Variants in PTPRD observed in about 807,000 individuals in gnomAD.
PTPRD encodes protein tyrosine phosphatase receptor type D, also known as receptor-type tyrosine-protein phosphatase delta.
PTPRD carries 34 observed loss-of-function variants against 214.5 expected under a neutral mutation model. The observed-to-expected ratio is 0.16, with a 90% CI of 0.12 to 0.21. PTPRD has a LOEUF of 0.21. PTPRD is among the 10% of genes least tolerant of loss of function. PTPRD has a pLI of 1.00. For missense variants in PTPRD, 2,545 were observed against 2,398.7 expected (o/e 1.06, Z -1.27); for synonymous variants, 1,128 against 845.7 (o/e 1.33, Z -5.79).
intron 3 of PTPRD, among the ~76,000 whole-genome samples, chr9:10,126,229 C>T (rs564746596): frequency 1.3e-5 from 2 of 152,254 alleles, no homozygotes; most frequent in Non-Finnish European, 2.9e-5. Context: ...ACCCCCTTCT[C>T]TACTTGCTTT....
At chr9:10,036,373 G>A (rs1455588918) in intron 3 of PTPRD, among the ~76,000 whole-genome samples, 1 of 151,840 alleles carries the variant, frequency 6.6e-6, no homozygotes, top group Admixed American at 6.6e-5. Context: ...ACATTCTAAA[G>A]CCCTTTTGCT....
chr9:8,328,988 C>T (rs78108188), intron 44 of PTPRD, among the ~76,000 whole-genome samples: 9,145 of 152,128 alleles, frequency 0.06, 313 homozygotes, highest in Middle Eastern at 0.14. Flanking sequence ...TCCCTTAGCT[C>T]GGAGGAGTTT....
At chr9:8,833,715 TACACACACAC>T (rs1177957119) in intron 11 of PTPRD, among the ~76,000 whole-genome samples, 11 of 133,718 alleles carry the variant, frequency 8.2e-5, no homozygotes, top group Non-Finnish European at 7.9e-5. Context: ...TATATATATA[TACACACACAC>T]ACACACACAC....
At chr9:8,825,608 C>G (rs538444682) in intron 11 of PTPRD, among the ~76,000 whole-genome samples, 1 of 152,122 alleles carries the variant, frequency 6.6e-6, no homozygotes, top group Non-Finnish European at 1.5e-5. Context: ...TGGATTTTGG[C>G]AAGAAAGAAT....
chr9:9,430,991 G>A (rs935816277), intron 8 of PTPRD, among the ~76,000 whole-genome samples: 3 of 152,118 alleles, frequency 2.0e-5, no homozygotes, highest in African/African-American at 7.2e-5. Context: ...ACATAGGCAT[G>A]GGCAAGGACT....
At chr9:9,157,553 C>T (rs1296021082) in intron 10 of PTPRD, among the ~76,000 whole-genome samples, 1 of 152,022 alleles carries the variant, frequency 6.6e-6, no homozygotes, top group Non-Finnish European at 1.5e-5. Context: ...TATAACCTAC[C>T]AAGATTGAAT....
At chr9:10,400,827 A>T (rs1413852180) in intron 2 of PTPRD, among the ~76,000 whole-genome samples, 1 of 151,552 alleles carries the variant, frequency 6.6e-6, no homozygotes, top group Non-Finnish European at 1.5e-5. Context: ...TTTACTTAGG[A>T]GCTAAAAGTG....
chr9:10,387,906 C>T, intron 2 of PTPRD, among the ~76,000 whole-genome samples: 1 of 144,484 alleles, frequency 6.9e-6, no homozygotes, highest in Non-Finnish European at 1.5e-5. Context: ...AGCACTCTGC[C>T]TGCCTCGGCC....
At chr9:10,135,831 A>C (rs1390441262) in intron 3 of PTPRD, among the ~76,000 whole-genome samples, 1 of 151,982 alleles carries the variant, frequency 6.6e-6, no homozygotes, top group African/African-American at 2.4e-5. Flanking sequence ...TAAGTCTACA[A>C]AAACAACCAG....
intron 25 of PTPRD, among the ~76,000 whole-genome samples, chr9:8,497,608 G>C (rs1245375171): frequency 6.6e-6 from 1 of 152,124 alleles, no homozygotes; most frequent in Non-Finnish European, 1.5e-5. Context: ...ACAATTAAAA[G>C]TCACTATTTA....
chr9:8,516,798 CTTT>C (rs71500960), intron 21 of PTPRD, among the ~76,000 whole-genome samples: 11 of 107,934 alleles, frequency 1.0e-4, no homozygotes, highest in South Asian at 6.5e-4. Flanking sequence ...CAAGAATAAA[CTTT>C]TTTTTTTTTT....
intron 35 of PTPRD, among the ~76,000 whole-genome samples, chr9:8,414,930 G>GGGAGAGAGA (rs1491158344): frequency 4.1e-5 from 2 of 49,252 alleles, no homozygotes; most frequent in African/African-American, 1.6e-4. Context: ...AGAGGGAGGG[G>GGGAGAGAGA]GAGAGAGAGA....
chr9:8,755,547 A>C (rs1306169173), intron 11 of PTPRD, among the ~76,000 whole-genome samples: 1 of 151,080 alleles, frequency 6.6e-6, no homozygotes, highest in Non-Finnish European at 1.5e-5. Flanking sequence ...AAAAAAAAAC[A>C]GCAGCACAAA....
chr9:9,518,887 C>T (rs1374428760), intron 8 of PTPRD, among the ~76,000 whole-genome samples: 1 of 151,886 alleles, frequency 6.6e-6, no homozygotes, highest in Non-Finnish European at 1.5e-5. Context: ...TATGTCCCTC[C>T]CTTGATTAAT....
At chr9:10,512,691 G>A (rs537881248) in intron 2 of PTPRD, among the ~76,000 whole-genome samples, 13 of 152,064 alleles carry the variant, frequency 8.5e-5, no homozygotes, top group Non-Finnish European at 1.3e-4. Flanking sequence ...GAAAGGTTGT[G>A]GGTGGAGAGT....
At chr9:9,907,850 T>C (rs2078041499) in intron 5 of PTPRD, among the ~76,000 whole-genome samples, 1 of 152,052 alleles carries the variant, frequency 6.6e-6, no homozygotes, top group African/African-American at 2.4e-5. Context: ...AGTTGTCATT[T>C]TCATCACTCA....
chr9:8,870,104 G>T (rs1233143529), intron 11 of PTPRD, among the ~76,000 whole-genome samples: 1 of 149,068 alleles, frequency 6.7e-6, no homozygotes, highest in Non-Finnish European at 1.5e-5. Context: ...ATTTGTGTTG[G>T]TATATATCTC....
intron 5 of PTPRD, among the ~76,000 whole-genome samples, chr9:9,812,768 A>T (rs1486666438): frequency 2.6e-5 from 4 of 152,142 alleles, no homozygotes; most frequent in Admixed American, 1.3e-4. Flanking sequence ...CTTGACTAAC[A>T]CTATATCAAA....
intron 11 of PTPRD, among the ~76,000 whole-genome samples, chr9:8,793,385 A>G (rs897627701): frequency 2.0e-5 from 3 of 152,198 alleles, no homozygotes; most frequent in Admixed American, 6.5e-5. Context: ...TCCATCTTGG[A>G]AAAAGATCCT....
Sources: allele counts gnomAD v4.1 joint callset (sites outside exome capture counted in the v4.1 genomes callset), GRCh38; gene constraint gnomAD v4.1.1; transcripts MANE v1.5; gene names NCBI Gene and HGNC (gene_info 2026-07-23, HGNC 2026-07-21).